DRAM1: variants seen among roughly 807,000 people sequenced by gnomAD.
DRAM1 encodes the protein DNA damage regulated autophagy modulator 1.
DRAM1 carries 25 observed loss-of-function variants against 28.5 expected under a neutral mutation model. The ratio of observed to expected loss-of-function variants is 0.88; its 90% CI spans 0.64 to 1.23. DRAM1 has a LOEUF of 1.23. Among genes scored for constraint, DRAM1 ranks in the 50% most tolerant of loss-of-function variants. The pLI, the probability that DRAM1 is intolerant of heterozygous loss-of-function variation, is 0.00. For synonymous variants in DRAM1, 113 were observed against 114.2 expected, an observed-to-expected ratio of 0.99 and a Z score of 0.07; for missense variants, 249 against 299.2, an observed-to-expected ratio of 0.83 and a Z score of 1.24.
chr12:101,898,348 A>G (rs1409777576), intron 2 of DRAM1, among the ~76,000 whole-genome samples: 1 of 152,158 alleles, frequency 6.6e-6, no homozygotes, highest in African/African-American at 2.4e-5. Flanking sequence ...TAAAAGCACA[A>G]TCTTTGCAGC....
chr12:101,915,847 A>C (rs1265365475), intron 5 of DRAM1, among the ~76,000 whole-genome samples: 1 of 152,206 alleles, frequency 6.6e-6, no homozygotes, highest in Admixed American at 6.5e-5. Context: ...GGCGTGAACC[A>C]CCACGCCCAA....
At chr12:101,900,841 G>A (rs1043845518) in intron 2 of DRAM1, among the ~76,000 whole-genome samples, 3 of 152,142 alleles carry the variant, frequency 2.0e-5, no homozygotes, top group Admixed American at 1.3e-4. Context: ...TATTCATGGC[G>A]TGTTGTTTGT....
chr12:101,909,533 T>C (rs1293947030), intron 4 of DRAM1, among the ~76,000 whole-genome samples: 2 of 152,194 alleles, frequency 1.3e-5, no homozygotes, highest in African/African-American at 4.8e-5. Context: ...TCCCCCTCCC[T>C]GCACGTCGTA....
At chr12:101,919,269 C>T (rs563803576) in intron 5 of DRAM1, among the ~76,000 whole-genome samples, 4 of 148,790 alleles carry the variant, frequency 2.7e-5, no homozygotes, top group African/African-American at 1.0e-4. Flanking sequence ...TCCACAGACA[C>T]ACAGACACAC....
intron 1 of DRAM1, chr12:101,890,062 T>C (rs542277392): frequency 2.2e-6 from 1 of 453,330 alleles, no homozygotes; most frequent in African/African-American, 2.0e-5. Flanking sequence ...ATTTTTTCTT[T>C]TTCTTTTTTC....
intron 1 of DRAM1, among the ~76,000 whole-genome samples, chr12:101,882,766 G>C (rs1872734416): frequency 6.7e-6 from 1 of 150,134 alleles, no homozygotes; most frequent in Non-Finnish European, 1.5e-5. Flanking sequence ...AGTCTCCATG[G>C]TGGGACTTGG....
intron 1 of DRAM1, among the ~76,000 whole-genome samples, chr12:101,880,067 A>C (rs1488208715): frequency 6.6e-6 from 1 of 151,124 alleles, no homozygotes; most frequent in Non-Finnish European, 1.5e-5. Flanking sequence ...TTGTTTTTTC[A>C]GACAAAGTCT....
chr12:101,891,252 C>G (rs1873117837), intron 1 of DRAM1, among the ~76,000 whole-genome samples: 3 of 152,016 alleles, frequency 2.0e-5, no homozygotes, highest in African/African-American at 7.2e-5. Flanking sequence ...TTCTAAGTCC[C>G]TATCAATCAT....
intron 1 of DRAM1, among the ~76,000 whole-genome samples, chr12:101,896,642 C>T (rs1193411617): frequency 6.6e-6 from 1 of 152,080 alleles, no homozygotes; most frequent in Non-Finnish European, 1.5e-5. Flanking sequence ...TTTTCCAACT[C>T]ATTTAATTAA....
intron 1 of DRAM1, 62 bp from the exon 2 acceptor site, chr12:101,897,801 T>C: frequency 8.2e-7 from 1 of 1,214,764 alleles, no homozygotes; most frequent in Non-Finnish European, 1.2e-6. Context: ...CAATTACGTG[T>C]CTTCCCAGAG....
chr12:101,904,692 C>T (rs1055673536), intron 3 of DRAM1, among the ~76,000 whole-genome samples: 2 of 151,822 alleles, frequency 1.3e-5, no homozygotes, highest in African/African-American at 4.8e-5. Context: ...CCACCTGCCT[C>T]GGCCTCCCAA....
At chr12:101,892,134 C>T (rs1384281048) in intron 1 of DRAM1, among the ~76,000 whole-genome samples, 2 of 152,028 alleles carry the variant, frequency 1.3e-5, no homozygotes, top group African/African-American at 4.8e-5. Context: ...AAAAAACAAA[C>T]CAACAAAAGT....
At chr12:101,883,948 T>A (rs1412492819) in intron 1 of DRAM1, among the ~76,000 whole-genome samples, 39 of 143,970 alleles carry the variant, frequency 2.7e-4, no homozygotes, top group African/African-American at 6.4e-4. Flanking sequence ...AAAAAAAAAA[T>A]AAATAAATAC....
At chr12:101,895,119 A>G (rs770103689) in intron 1 of DRAM1, among the ~76,000 whole-genome samples, 2 of 150,272 alleles carry the variant, frequency 1.3e-5, no homozygotes, top group African/African-American at 2.5e-5. Context: ...CTCCACCTCA[A>G]CATTCCTGTA....
At chr12:101,909,428 ATATT>A (rs1281763508) in intron 4 of DRAM1, among the ~76,000 whole-genome samples, 2 of 152,100 alleles carry the variant, frequency 1.3e-5, no homozygotes, top group Non-Finnish European at 2.9e-5. Context: ...CCATATGAAA[ATATT>A]TATTTTTCTT....
rs1166726850 is a variant in DRAM1 at position 101,921,529 on chromosome 12, G to A, written c.*269G>A. Reference sequence around the variant, plus strand: ...ACAAATTCATATACAGAAAAAATAAGGTGTTACAAAAAATGGAGAGCTCTT... The same window carrying A: ...ACAAATTCATATACAGAAAAAATAAAGTGTTACAAAAAATGGAGAGCTCTT... On this transcript the variant is annotated 3_prime_UTR_variant, in exon 7 of 7. Coordinates refer to ENST00000258534, the MANE Select transcript of DRAM1 (RefSeq NM_018370.3). The A allele has an allele frequency of 3.6e-5, 10 of 277,562 alleles. No homozygotes were observed. The highest frequency in any genetic ancestry group is 1.1e-3 in the Middle Eastern group (1 of 930). 17.2% of individuals were successfully genotyped at this position (277,562 alleles called of 1,614,324 possible).
intron 1 of DRAM1, among the ~76,000 whole-genome samples, chr12:101,880,305 T>A (rs1180281527): frequency 4.7e-5 from 4 of 85,884 alleles, no homozygotes; most frequent in South Asian, 3.7e-4. Flanking sequence ...TTTTTTTTTT[T>A]AAGACAGAGT....
intron 3 of DRAM1, among the ~76,000 whole-genome samples, chr12:101,907,063 G>T (rs1027021256): frequency 6.6e-6 from 1 of 151,492 alleles, no homozygotes. Flanking sequence ...GCCAGAACTG[G>T]GTGTGGTGGC....
chr12:101,920,375 G>A (rs1230955250), intron 6 of DRAM1, among the ~76,000 whole-genome samples, 174 bp downstream of exon 6: 2 of 69,528 alleles, frequency 2.9e-5, no homozygotes, highest in Non-Finnish European at 5.1e-5. Context: ...GCGCAATCTC[G>A]GCTCACTGCA....
Sources: allele counts gnomAD v4.1 joint callset (sites outside exome capture counted in the v4.1 genomes callset), GRCh38; gene constraint gnomAD v4.1.1; transcripts MANE v1.5; gene names NCBI Gene and HGNC (gene_info 2026-07-23, HGNC 2026-07-21).